Variants in ARL13A observed in about 807,000 individuals in gnomAD.
ARL13A encodes the protein ARF like GTPase 13A.
ARL13A carries 16 observed loss-of-function variants against 19.1 expected under a neutral mutation model. The ratio of observed to expected loss-of-function variants is 0.84; its 90% CI spans 0.57 to 1.27. The LOEUF (loss-of-function observed/expected upper bound fraction) is 1.27, where lower values mean the gene tolerates loss of function less well. Ranked by LOEUF, ARL13A falls within the 50% of genes most tolerant of loss-of-function variation. ARL13A has a pLI of 0.00. For missense variants in ARL13A, 153 were observed against 186.4 expected (o/e 0.82, Z 1.04); for synonymous variants, 69 against 71.3 (o/e 0.97, Z 0.17).
chrX:100,989,360 C>G (rs2085987212), intron 7 of ARL13A, among the ~76,000 whole-genome samples: 1 of 110,602 alleles, frequency 9.0e-6, no homozygotes, highest in South Asian at 3.8e-4. Flanking sequence ...ACCTGTAATC[C>G]CAGCACTTTG....
At chrX:100,981,218 G>A (rs977488331) in intron 3 of ARL13A, among the ~76,000 whole-genome samples, 3 of 111,920 alleles carry the variant, frequency 2.7e-5, no homozygotes, top group African/African-American at 9.8e-5. Flanking sequence ...AGGCCATGGT[G>A]GCAGGGCTTG....
At chrX:100,988,971 G>A (rs757511951) in intron 7 of ARL13A, among the ~76,000 whole-genome samples, 15 of 105,840 alleles carry the variant, frequency 1.4e-4, no homozygotes, top group African/African-American at 4.9e-4. Context: ...CCCAAAAAAC[G>A]ATGCTCAAGG....
At chrX:100,974,364 C>CTG (rs1336833717) in intron 3 of ARL13A, among the ~76,000 whole-genome samples, 167 bp downstream of exon 3, 1 of 109,391 alleles carries the variant, frequency 9.1e-6, no homozygotes, top group Admixed American at 9.8e-5. Flanking sequence ...CTATCTCTCT[C>CTG]TGTCTCTCTC....
At position 100,983,212 on chromosome X, in the gene ARL13A, T is replaced by G. The variant is rs1283554289; in HGVS notation, c.131-2455T>G. ...CATCTAGGGTTCACCAACAATAGAA[T>G]GCACTAACTGAAGGAACTGGTAAGG... On this transcript the variant is annotated intron_variant, in intron 3 of 7. Coordinates refer to ENST00000450049, the MANE Select transcript of ARL13A (RefSeq NM_001162491.2). Among the ~76,000 whole-genome samples the G allele has an allele frequency of 3.6e-5, 4 of 110,615 alleles. No homozygotes were observed. The East Asian group carries it at 1.1e-3, about 31-fold the overall frequency.
rs774244203 is a variant in ARL13A at position 100,987,500 on chromosome X, G to A, written c.597G>A (p.Ser199=). 1 of 1,211,151 alleles carries A rather than the reference G, an allele frequency of 8.3e-7. No individual in the cohort carries two copies. The highest frequency in any genetic ancestry group is 1.8e-5 in the South Asian group (1 of 56,973). The change falls in exon 6 of 8, where the codon TCG becomes TCA. Residue 199 remains serine (S), a synonymous_variant. Coordinates refer to ENST00000450049, the MANE Select transcript of ARL13A (RefSeq NM_001162491.2). ...ATACTTGCCAACTACCACCTACCTCGAGCATCTCAATCTCCAAGAATAACA... is the reference window on the plus strand; with the variant it reads ...ATACTTGCCAACTACCACCTACCTCAAGCATCTCAATCTCCAAGAATAACA... The part of the protein sequence containing the change: ...VIDTCQLPPT[S]SISISKNNTG...
At chrX:100,973,173 G>A (rs1569460337) in intron 1 of ARL13A, among the ~76,000 whole-genome samples, 1 of 26,169 alleles carries the variant, frequency 3.8e-5, no homozygotes, top group Non-Finnish European at 7.4e-5. Flanking sequence ...GGGAAGAGGC[G>A]CTCCTCACTT....
chrX:100,975,330 C>T (rs1408371813), intron 3 of ARL13A, among the ~76,000 whole-genome samples: 2 of 111,316 alleles, frequency 1.8e-5, no homozygotes, highest in Non-Finnish European at 3.8e-5. Context: ...AAATCAAAAG[C>T]CTCAAGTCAC....
At chrX:100,983,276 T>G (rs759632340) in intron 3 of ARL13A, among the ~76,000 whole-genome samples, 1 of 111,315 alleles carries the variant, frequency 9.0e-6, no homozygotes, top group Admixed American at 9.5e-5. Flanking sequence ...GAAAAAAATT[T>G]TTTTCTCTGA....
At chrX:100,984,291 GT>G (rs1227135130) in intron 3 of ARL13A, among the ~76,000 whole-genome samples, 47 of 100,963 alleles carry the variant, frequency 4.7e-4, no homozygotes, top group Non-Finnish European at 6.3e-4. Flanking sequence ...GTTGTTTTTT[GT>G]TTTTTTTTTT....
chrX:100,973,959 G>A (rs2085720792), intron 2 of ARL13A, among the ~76,000 whole-genome samples, 168 bp from the exon 3 acceptor site: 1 of 111,697 alleles, frequency 9.0e-6, no homozygotes. Flanking sequence ...GGGCTTTGGT[G>A]AGGGGCTCCC....
intron 3 of ARL13A, 70 bp from the exon 4 acceptor site, chrX:100,985,597 T>C: frequency 8.8e-7 from 1 of 1,130,538 alleles, no homozygotes. Context: ...CGGAACCGAC[T>C]CTACTCCTGT....
At chrX:100,976,354 C>T (rs1461304270) in intron 3 of ARL13A, among the ~76,000 whole-genome samples, 1 of 110,731 alleles carries the variant, frequency 9.0e-6, no homozygotes, top group African/African-American at 3.3e-5. Flanking sequence ...GAGGACACTG[C>T]CTAGAGTCTA....
chrX:100,986,459 C>G (rs1180331058), intron 4 of ARL13A, among the ~76,000 whole-genome samples: 1 of 111,892 alleles, frequency 8.9e-6, no homozygotes, highest in Non-Finnish European at 1.9e-5. Flanking sequence ...AGAGCATGAA[C>G]AGAGTTTGGG....
chrX:100,970,671 G>A (rs1185163626), intron 1 of ARL13A, among the ~76,000 whole-genome samples: 6 of 107,887 alleles, frequency 5.6e-5, no homozygotes, highest in Admixed American at 1.0e-4. Context: ...CTGCATATAC[G>A]TGGGTTTCAC....
intron 3 of ARL13A, among the ~76,000 whole-genome samples, chrX:100,977,682 T>C (rs1232566107): frequency 1.8e-5 from 2 of 111,995 alleles, no homozygotes; most frequent in African/African-American, 6.5e-5. Context: ...CACCCGGCTG[T>C]GTCCTTCTAC....
rs1371796850 is a variant in ARL13A, at chrX:100,980,468, G to A, written c.131-5199G>A. 2.7e-5 allele frequency among the ~76,000 whole-genome samples: 3 copies of A among 110,621 alleles called. No individual in the cohort carries two copies. In the Admixed American group the frequency reaches 2.9e-4, roughly 11 times the overall value. On this transcript the variant is annotated intron_variant, in intron 3 of 7. Transcript: ENST00000450049. The stretch of plus-strand genomic sequence containing the variant: ...AGGCAGTGAGTCCTGCCAGGCCTGG[G>A]TCTCTCCCTTCAGGGCAGTGTGTTC...
chrX:100,982,470 AAAATAAAT>A (rs199792040), intron 3 of ARL13A, among the ~76,000 whole-genome samples: 4,188 of 91,258 alleles, frequency 0.046, 92 homozygotes, highest in Middle Eastern at 0.1. Context: ...CCAGGCTTAA[AAAATAAAT>A]AAATAAATAA....
intron 3 of ARL13A, 46 bp downstream of exon 3, chrX:100,974,243 C>A: frequency 2.1e-6 from 2 of 967,363 alleles, no homozygotes; most frequent in Non-Finnish European, 1.4e-6. Flanking sequence ...CTCCCATGGA[C>A]CCCAGAATCC....
intron 5 of ARL13A, 73 bp from the exon 6 acceptor site, chrX:100,987,317 A>G (rs1017368262): frequency 1.9e-6 from 2 of 1,064,295 alleles, no homozygotes; most frequent in Non-Finnish European, 2.5e-6. Context: ...TCTTTGAATG[A>G]GAGTGACTGG....
Sources: gnomAD v4.1 joint callset for allele counts (sites outside exome capture counted in the v4.1 genomes callset) on GRCh38, gnomAD v4.1.1 for gene constraint, MANE v1.5 for transcripts, NCBI Gene and HGNC (gene_info 2026-07-23, HGNC 2026-07-21) for gene names.